Variants in DNAJC6 observed in about 807,000 individuals in gnomAD.
DNAJC6 encodes DnaJ heat shock protein family (Hsp40) member C6.
DNAJC6 carries 34 observed loss-of-function variants against 110.0 expected under a neutral mutation model. The observed-to-expected ratio is 0.31, with a 90% CI of 0.24 to 0.41. The LOEUF is 0.41. Among genes scored for constraint, DNAJC6 ranks in the 10% least tolerant of loss-of-function variants. The pLI is 1.00. For missense variants in DNAJC6, 1,031 were observed against 1,207.8 expected (o/e 0.85, Z 2.17); for synonymous variants, 406 against 437.2 (o/e 0.93, Z 0.89).
In DNAJC6 at chr1:65,364,610, G is replaced by T. The variant is rs938430681; in HGVS notation, c.194-25G>T. On this transcript the variant is annotated intron_variant, in intron 1 of 18. Coordinates refer to ENST00000371069, the MANE Select transcript of DNAJC6 (RefSeq NM_001256864.2). ...TTCTCTGCCATCACCATTTTTGTTT[G>T]TTTGTTTTTTTTTTTTTTTGGCAGG... The T allele has an allele frequency of 4.1e-5, 59 of 1,442,456 alleles. No homozygotes were observed. The Admixed American group carries it at 4.4e-4, about 11-fold the overall frequency. 89.4% of individuals were successfully genotyped at this position (1,442,456 alleles called of 1,614,324 possible).
At position 65,398,825 on chromosome 1, in the gene DNAJC6, C is replaced by G. The variant is rs917401592; in HGVS notation, c.2051C>G (p.Pro684Arg). Residue 684 changes from proline to arginine, a missense_variant, in exon 14 of 19, where the codon CCT (proline) becomes CGT (arginine). Transcript: ENST00000371069. Reference protein sequence around the residue: ...PSPTVHASSTPAVNIQPDVSG... With the variant: ...PSPTVHASSTRAVNIQPDVSG... Reference sequence around the variant, plus strand: ...TCCCCATTTGCAGCTTCTAGTACGCCTGCTGTGAACATTCAGCCAGATGTT... The same window carrying G: ...TCCCCATTTGCAGCTTCTAGTACGCGTGCTGTGAACATTCAGCCAGATGTT... The G allele has an allele frequency of 1.2e-6, 2 of 1,613,958 alleles. No individual in the cohort carries two copies. The highest frequency in any genetic ancestry group is 1.3e-5 in the African/African-American group (1 of 74,914).
Position 65,413,091 on chromosome 1 carries a change from G to T in DNAJC6, c.*66G>T. The T allele has an allele frequency of 6.9e-7, 1 of 1,455,256 alleles. No homozygotes were observed. The highest frequency in any genetic ancestry group is 1.2e-5 in the South Asian group (1 of 82,746). The allele number at this position is 1,455,256 out of a possible 1,614,324, so 90.1% of individuals were successfully genotyped here. On this transcript the variant is annotated 3_prime_UTR_variant, in exon 19 of 19. Transcript: ENST00000371069. ...GCTTAGTGTGTGTCACAATTCTGAG[G>T]TTTTCGCAGATGAACCAAAAACTCC...
intron 13 of DNAJC6, among the ~76,000 whole-genome samples, chr1:65,397,150 G>A (rs144557549): frequency 4.1e-4 from 62 of 152,234 alleles, no homozygotes; most frequent in African/African-American, 1.4e-3. Context: ...CTAGCGAGTG[G>A]AAAGAATTTT....
At chr1:65,387,544 T>C (rs1158558632) in intron 8 of DNAJC6, among the ~76,000 whole-genome samples, 1 of 152,248 alleles carries the variant, frequency 6.6e-6, no homozygotes, top group Non-Finnish European at 1.5e-5. Flanking sequence ...AATGGAATCA[T>C]ACAATATGTG....
chr1:65,268,980 A>G (rs1653422722), intron 1 of DNAJC6, among the ~76,000 whole-genome samples: 1 of 152,068 alleles, frequency 6.6e-6, no homozygotes, highest in Admixed American at 6.6e-5. Context: ...TCTCATTCCA[A>G]TTTTTCTGTT....
chr1:65,356,987 A>G (rs1184498044), intron 1 of DNAJC6, among the ~76,000 whole-genome samples: 1 of 152,152 alleles, frequency 6.6e-6, no homozygotes, highest in Non-Finnish European at 1.5e-5. Context: ...CATACGATCC[A>G]TTTCTCTAAC....
intron 1 of DNAJC6, among the ~76,000 whole-genome samples, chr1:65,302,976 G>C (rs1027988888): frequency 5.9e-5 from 9 of 152,164 alleles, no homozygotes; most frequent in Non-Finnish European, 1.3e-4. Flanking sequence ...TCTGCTCTTT[G>C]TGAATTACCC....
chr1:65,392,586 C>G lies in DNAJC6; in HGVS notation c.1624C>G (p.Gln542Glu), dbSNP rs1167136235. The change falls in exon 12 of 19, where the codon CAG (glutamine) becomes GAG (glutamate). Residue 542 changes from glutamine to glutamate, a missense_variant. Gln to Glu is a conservative substitution (Grantham distance 29, BLOSUM62 2). Coordinates refer to ENST00000371069, the MANE Select transcript of DNAJC6 (RefSeq NM_001256864.2). ...TGGAGTCAAGAAGCCCAGCAAAAAG[C>G]AGCAGGAGCCAGCAGCCCCTCCACC... The part of the protein sequence containing the change: ...PHGVKKPSKK[Q>E]QEPAAPPPPE... 1.9e-6 allele frequency: 3 copies of G among 1,614,086 alleles called. No homozygotes were observed. Among genetic ancestry groups the G allele is most frequent in the Non-Finnish European group, 2.5e-6 (3 of 1,179,996 alleles).
At chr1:65,358,178 C>CAAAAAAAA (rs11285114) in intron 1 of DNAJC6, among the ~76,000 whole-genome samples, 10 of 80,020 alleles carry the variant, frequency 1.2e-4, no homozygotes, top group Non-Finnish European at 1.7e-4. Context: ...GACTCAGTCT[C>CAAAAAAAA]AAAAAAAAAA....
In DNAJC6 at chr1:65,285,472, G is replaced by T. The variant is rs548961238; in HGVS notation, c.-131+20540G>T. Among the ~76,000 whole-genome samples the T allele has an allele frequency of 1.8e-4, 28 of 152,146 alleles. 1 individual carries two copies. The South Asian group carries it at 5.6e-3, about 30-fold the overall frequency. On this transcript the variant is annotated intron_variant, in intron 1 of 19. Coordinates refer to the DNAJC6 transcript ENST00000263441. The stretch of plus-strand genomic sequence containing the variant: ...TGCAACGTTTTATGAATTGTTGCCT[G>T]AACTAGATGTTCGGTTCTAACAATA...
intron 7 of DNAJC6, among the ~76,000 whole-genome samples, chr1:65,386,146 T>C (rs891113721): frequency 3.3e-5 from 5 of 152,180 alleles, no homozygotes; most frequent in Admixed American, 6.5e-5. Flanking sequence ...GTATACAGGA[T>C]TAAGACCAAG....
At chr1:65,409,862 A>T (rs1298388966) in intron 17 of DNAJC6, among the ~76,000 whole-genome samples, 1 of 152,198 alleles carries the variant, frequency 6.6e-6, no homozygotes, top group Non-Finnish European at 1.5e-5. Context: ...TCAAATCAAC[A>T]TACTGTTTTA....
intron 1 of DNAJC6, among the ~76,000 whole-genome samples, chr1:65,350,516 C>G (rs572292269): frequency 1.8e-3 from 276 of 152,164 alleles, no homozygotes; most frequent in Non-Finnish European, 3.0e-3. Context: ...TCCTTTATAT[C>G]TGTAGTTTTA....
In DNAJC6 at chr1:65,413,600, G is replaced by T; in HGVS notation, c.*575G>T. 1 of 152,194 alleles carries T rather than the reference G, an allele frequency of 6.6e-6. No homozygotes were observed. Among genetic ancestry groups the T allele is most frequent in the East Asian group, 1.9e-4 (1 of 5,190 alleles). 9.4% of individuals were successfully genotyped at this position (152,194 alleles called of 1,614,324 possible). A position where few individuals can be genotyped will look rare whatever the true frequency, so the allele number is the denominator to read the frequency against. ...CAAATATAAAGGAACTTGAAATGTG[G>T]GGAGTGATAATAGTCCAGTGATTAA... On this transcript the variant is annotated 3_prime_UTR_variant, in exon 19 of 19. Transcript: ENST00000371069.
chr1:65,387,028 G>A (rs954592477), intron 8 of DNAJC6, 99 bp downstream of exon 8: 19 of 1,012,174 alleles, frequency 1.9e-5, no homozygotes, highest in Non-Finnish European at 2.5e-5. Context: ...TGAGTCACTT[G>A]TAGTTTTAGA....
At chr1:65,390,464 A>G (rs1645916062) in intron 11 of DNAJC6, among the ~76,000 whole-genome samples, 1 of 152,168 alleles carries the variant, frequency 6.6e-6, no homozygotes, top group African/African-American at 2.4e-5. Context: ...AAACCTGGAG[A>G]TATTTTCAGA....
chr1:65,291,509 A>T (rs1644874708), intron 1 of DNAJC6, among the ~76,000 whole-genome samples: 1 of 152,220 alleles, frequency 6.6e-6, no homozygotes, highest in African/African-American at 2.4e-5. Context: ...GGACCTAATT[A>T]AATGGATTTG....
intron 1 of DNAJC6, among the ~76,000 whole-genome samples, chr1:65,349,222 A>G (rs1645468628): frequency 6.6e-6 from 1 of 150,922 alleles, no homozygotes; most frequent in Non-Finnish European, 1.5e-5. Flanking sequence ...AAATAAAATA[A>G]GAGAATGTTA....
intron 1 of DNAJC6, among the ~76,000 whole-genome samples, chr1:65,359,974 C>T (rs1645582793): frequency 1.3e-5 from 2 of 152,182 alleles, no homozygotes; most frequent in African/African-American, 2.4e-5. Context: ...ACAGACTGTA[C>T]AAAAACAGGC....
Sources: gnomAD v4.1 joint callset for allele counts (sites outside exome capture counted in the v4.1 genomes callset) on GRCh38, gnomAD v4.1.1 for gene constraint, MANE v1.5 for transcripts, NCBI Gene and HGNC (gene_info 2026-07-23, HGNC 2026-07-21) for gene names.